Variants in DMD observed in about 807,000 individuals in gnomAD.
The protein encoded by DMD is dystrophin, also known as mutant dystrophin.
DMD carries 63 observed loss-of-function variants against 330.1 expected under a neutral mutation model. The observed-to-expected ratio is 0.19, with a 90% confidence interval of 0.16 to 0.24. The LOEUF is 0.24. DMD is among the 10% of genes least tolerant of loss of function. The pLI is 1.00. For synonymous variants in DMD, 1,223 were observed against 959.8 expected (o/e 1.27, Z -5.07); for missense variants, 3,344 against 2,684.1 (o/e 1.25, Z -5.43).
intron 1 of DMD, among the ~76,000 whole-genome samples, chrX:33,173,983 T>C (rs1350750732): frequency 1.4e-5 from 1 of 72,861 alleles, no homozygotes; most frequent in Non-Finnish European, 2.8e-5. Context: ...TGGTTGTCAA[T>C]AAACATCAAT....
intron 41 of DMD, among the ~76,000 whole-genome samples, chrX:32,334,558 T>C (rs1174549152): frequency 8.9e-6 from 1 of 111,925 alleles, no homozygotes; most frequent in Non-Finnish European, 1.9e-5. Flanking sequence ...GACATTATTT[T>C]ACATAAGGTG....
At chrX:31,868,203 A>G (rs926354055) in intron 48 of DMD, among the ~76,000 whole-genome samples, 2 of 112,319 alleles carry the variant, frequency 1.8e-5, no homozygotes, top group Admixed American at 1.9e-4. Flanking sequence ...AGAATTAACT[A>G]CATGGGCCTG....
chrX:32,519,701 A>G (rs2046236325), intron 17 of DMD, among the ~76,000 whole-genome samples: 1 of 112,034 alleles, frequency 8.9e-6, no homozygotes, highest in African/African-American at 3.2e-5. Flanking sequence ...TAAACCAGTT[A>G]TATCACAACC....
intron 2 of DMD, among the ~76,000 whole-genome samples, chrX:32,989,016 G>T (rs901881066): frequency 9.0e-6 from 1 of 110,850 alleles, no homozygotes; most frequent in African/African-American, 3.3e-5. Flanking sequence ...AATTCAAAAA[G>T]AAAATAATGA....
intron 50 of DMD, among the ~76,000 whole-genome samples, chrX:31,799,306 C>T (rs1172222115): frequency 3.6e-5 from 4 of 111,818 alleles, no homozygotes; most frequent in Admixed American, 1.9e-4. Flanking sequence ...AATTGATTCA[C>T]CATTCTGCAT....
chrX:33,311,622 C>T (rs950323769), intron 1 of DMD, among the ~76,000 whole-genome samples: 2 of 109,730 alleles, frequency 1.8e-5, no homozygotes, highest in African/African-American at 6.6e-5. Context: ...TTATGATACA[C>T]GATGATCTAG....
chrX:31,310,051 G>A (rs1436591362), intron 62 of DMD, among the ~76,000 whole-genome samples: 4 of 110,457 alleles, frequency 3.6e-5, no homozygotes. Context: ...AAGAAGGTCT[G>A]GGAGGTCATT....
intron 55 of DMD, among the ~76,000 whole-genome samples, chrX:31,559,089 T>C (rs2075027343): frequency 1.8e-5 from 2 of 112,352 alleles, no homozygotes; most frequent in Admixed American, 9.4e-5. Context: ...ATGACTTTCA[T>C]CTACAGTGAT....
At chrX:31,804,802 C>T (rs954254777) in intron 50 of DMD, among the ~76,000 whole-genome samples, 2 of 109,272 alleles carry the variant, frequency 1.8e-5, no homozygotes, top group South Asian at 8.0e-4. Context: ...TGCCTAGGTA[C>T]ACCTACTTAT....
At position 31,686,761 on chromosome X, in the gene DMD, AT is replaced by A. The variant is rs780977695; in HGVS notation, c.7661-7176del. Among the ~76,000 whole-genome samples, 15 of 111,608 alleles carry A rather than the reference AT, an allele frequency of 1.3e-4. No individual in the cohort carries two copies. In the East Asian group the frequency reaches 3.9e-3, roughly 29 times the overall value. On this transcript the variant is annotated intron_variant, in intron 52 of 78. Coordinates refer to ENST00000357033, the MANE Select transcript of DMD (RefSeq NM_004006.3). ...TTCTTAATCAAATTACAGATAAATA[AT>A]TTAGAAACGTCCCTCTATATATTGA... is the stretch of plus-strand genomic sequence containing the variant.
chrX:32,086,443 A>G (rs1444951432), intron 44 of DMD, among the ~76,000 whole-genome samples: 1 of 111,815 alleles, frequency 8.9e-6, no homozygotes, highest in African/African-American at 3.3e-5. Flanking sequence ...TATGGATTGT[A>G]TGGCCTGTCT....
chrX:32,735,636 G>A (rs1375246171), intron 7 of DMD, among the ~76,000 whole-genome samples: 1 of 111,198 alleles, frequency 9.0e-6, no homozygotes, highest in African/African-American at 3.3e-5. Context: ...TCTGATCTTT[G>A]ACAAACCTGA....
chrX:32,195,004 G>GTGACC (rs1457126753), intron 44 of DMD, among the ~76,000 whole-genome samples: 1 of 111,390 alleles, frequency 9.0e-6, no homozygotes, highest in African/African-American at 3.3e-5. Context: ...GTAAGAGAAT[G>GTGACC]TGACCTAATC....
intron 55 of DMD, among the ~76,000 whole-genome samples, chrX:31,563,637 A>G (rs1265533862): frequency 3.6e-5 from 4 of 112,108 alleles, no homozygotes; most frequent in Admixed American, 1.9e-4. Flanking sequence ...TTTACAGGGA[A>G]TTTAAATTCC....
At chrX:32,183,741 C>A (rs973834182) in intron 44 of DMD, among the ~76,000 whole-genome samples, 2 of 109,372 alleles carry the variant, frequency 1.8e-5, no homozygotes, top group Admixed American at 2.0e-4. Flanking sequence ...ACAGACTGTA[C>A]TTGTATCATG....
intron 11 of DMD, among the ~76,000 whole-genome samples, chrX:32,641,830 G>T (rs1281495039): frequency 9.1e-6 from 1 of 110,449 alleles, no homozygotes; most frequent in African/African-American, 3.3e-5. Context: ...AAGTATCGAT[G>T]AATCCATTTT....
intron 29 of DMD, among the ~76,000 whole-genome samples, chrX:32,434,714 C>A (rs2098252605): frequency 9.0e-6 from 1 of 111,579 alleles, no homozygotes; most frequent in African/African-American, 3.3e-5. Context: ...TTAGGTGTGT[C>A]TTTTTTACCT....
intron 16 of DMD, among the ~76,000 whole-genome samples, chrX:32,556,671 G>C (rs1206525733): frequency 2.7e-5 from 3 of 111,576 alleles, no homozygotes; most frequent in Non-Finnish European, 5.7e-5. Context: ...AAATCACTCA[G>C]TTTCAGGTAT....
chrX:31,169,654 G>C (rs2039792938), intron 73 of DMD, 53 bp from the exon 74 acceptor site: 9 of 1,061,751 alleles, frequency 8.5e-6, no homozygotes, highest in African/African-American at 1.9e-5. Context: ...TTTTGCTTTG[G>C]GGGTTAGGGA....
Sources: gnomAD v4.1 joint callset for allele counts (sites outside exome capture counted in the v4.1 genomes callset) on GRCh38, gnomAD v4.1.1 for gene constraint, MANE v1.5 for transcripts, NCBI Gene and HGNC (gene_info 2026-07-23, HGNC 2026-07-21) for gene names.